Variants in GTF2E2 observed in about 807,000 individuals in gnomAD.
GTF2E2 encodes general transcription factor IIE subunit 2.
Under a neutral mutation model 40.5 loss-of-function variants are expected in GTF2E2, and 21 were observed. The ratio of observed to expected loss-of-function variants is 0.52; its 90% confidence interval spans 0.37 to 0.75. The LOEUF is 0.75. GTF2E2 is among the 30% of genes least tolerant of loss of function. The pLI, the probability that GTF2E2 is intolerant of heterozygous loss-of-function variation, is 0.00. For missense variants in GTF2E2, 298 were observed against 338.4 expected (o/e 0.88, Z 0.94); for synonymous variants, 117 against 121.6 (o/e 0.96, Z 0.25).
At chr8:30,633,865 T>C (rs189744473) in intron 3 of GTF2E2, among the ~76,000 whole-genome samples, 50 of 152,348 alleles carry the variant, frequency 3.3e-4, no homozygotes, top group African/African-American at 1.2e-3. Flanking sequence ...GGGAGTTATA[T>C]ACTAACATAT....
intron 2 of GTF2E2, among the ~76,000 whole-genome samples, chr8:30,636,387 A>T (rs1250542130): frequency 6.6e-6 from 1 of 152,224 alleles, no homozygotes; most frequent in Non-Finnish European, 1.5e-5. Flanking sequence ...ATTGCATTAG[A>T]ACAACCACAA....
chr8:30,638,739 C>T (rs1039446310), intron 2 of GTF2E2: 3 of 152,462 alleles, frequency 2.0e-5, no homozygotes, highest in Non-Finnish European at 4.4e-5. Context: ...TTTGCTCCTA[C>T]TAAATATCAA....
chr8:30,602,414 GA>G (rs1829208353), intron 6 of GTF2E2, among the ~76,000 whole-genome samples: 2 of 152,180 alleles, frequency 1.3e-5, no homozygotes, highest in South Asian at 4.2e-4. Context: ...GACTTTTTAA[GA>G]AAGTATGTGT....
At chr8:30,619,574 A>T (rs1361665818) in intron 3 of GTF2E2, among the ~76,000 whole-genome samples, 1 of 151,252 alleles carries the variant, frequency 6.6e-6, no homozygotes, top group African/African-American at 2.5e-5. Context: ...TTTTTAGTAG[A>T]GACGGGGTTT....
At chr8:30,593,720 G>A (rs1483234922) in intron 6 of GTF2E2, among the ~76,000 whole-genome samples, 1 of 152,038 alleles carries the variant, frequency 6.6e-6, no homozygotes, top group Non-Finnish European at 1.5e-5. Context: ...GGCCTCAAGC[G>A]ATCCTCCTGC....
intron 3 of GTF2E2, among the ~76,000 whole-genome samples, chr8:30,615,955 C>T (rs1313259344): frequency 1.3e-5 from 2 of 152,042 alleles, no homozygotes; most frequent in Non-Finnish European, 2.9e-5. Context: ...GGTAAATAAA[C>T]CGTGGTATAT....
At chr8:30,637,042 C>T (rs1216134822) in intron 2 of GTF2E2, 1 of 404,026 alleles carries the variant, frequency 2.5e-6, no homozygotes, top group African/African-American at 2.1e-5. Flanking sequence ...AAAAATCCAA[C>T]TTAAGAAGTA....
At chr8:30,593,993 C>T (rs1294472623) in intron 6 of GTF2E2, among the ~76,000 whole-genome samples, 7 of 152,010 alleles carry the variant, frequency 4.6e-5, no homozygotes, top group Non-Finnish European at 1.5e-5. Context: ...TGCAGTGGAG[C>T]AATCTTGGCT....
At chr8:30,625,792 T>C (rs1040701133) in intron 3 of GTF2E2, among the ~76,000 whole-genome samples, 1 of 151,912 alleles carries the variant, frequency 6.6e-6, no homozygotes, top group South Asian at 2.1e-4. Context: ...AGAGACGGGG[T>C]TTTGCCATGT....
chr8:30,635,688 C>T (rs1051333573), intron 2 of GTF2E2, among the ~76,000 whole-genome samples: 1 of 152,012 alleles, frequency 6.6e-6, no homozygotes, highest in African/African-American at 2.4e-5. Context: ...AGGCCCCTTT[C>T]TCCTTTATCT....
chr8:30,579,596 T>G (rs1316262737), intron 7 of GTF2E2, among the ~76,000 whole-genome samples: 1 of 152,070 alleles, frequency 6.6e-6, no homozygotes, highest in East Asian at 1.9e-4. Context: ...TCCTAAAAAT[T>G]CACCAAACAC....
chr8:30,651,860 G>T (rs1348909482), intron 2 of GTF2E2, among the ~76,000 whole-genome samples: 1 of 152,038 alleles, frequency 6.6e-6, no homozygotes, highest in African/African-American at 2.4e-5. Context: ...AAATGATACT[G>T]GCATAAAGAT....
chr8:30,653,891 C>G lies in GTF2E2; in HGVS notation c.-4-289G>C, dbSNP rs1222192278. Reference sequence around the variant, plus strand: ...ACTGCCTGAGCCCAGGAGTTGGAGACCAGCCTGGACAACATGGTAATACCT... The same window carrying G: ...ACTGCCTGAGCCCAGGAGTTGGAGAGCAGCCTGGACAACATGGTAATACCT... On this transcript the variant is annotated intron_variant, in intron 1 of 7. Transcript: ENST00000355904. Among the ~76,000 whole-genome samples the G allele has an allele frequency of 2.0e-5, 3 of 151,978 alleles. No individual in the cohort carries two copies. The East Asian group carries it at 5.8e-4, about 29-fold the overall frequency.
At chr8:30,595,932 G>C (rs1351564759) in intron 6 of GTF2E2, among the ~76,000 whole-genome samples, 1 of 152,182 alleles carries the variant, frequency 6.6e-6, no homozygotes, top group African/African-American at 2.4e-5. Flanking sequence ...GGAATTCTGG[G>C]TTGAAAGGAT....
intron 3 of GTF2E2, among the ~76,000 whole-genome samples, chr8:30,616,840 A>C (rs1800933417): frequency 6.6e-6 from 1 of 152,204 alleles, no homozygotes; most frequent in Non-Finnish European, 1.5e-5. Context: ...GTAAATAAGA[A>C]AAAAGTATGT....
At chr8:30,587,871 TAAAAAA>T (rs58179732) in intron 6 of GTF2E2, among the ~76,000 whole-genome samples, 1 of 105,066 alleles carries the variant, frequency 9.5e-6, no homozygotes, top group African/African-American at 3.9e-5. Flanking sequence ...GACTCCGTCT[TAAAAAA>T]AAAAAAAAAA....
intron 5 of GTF2E2, 69 bp from the exon 6 acceptor site, chr8:30,607,219 T>C: frequency 1.6e-6 from 1 of 616,646 alleles, no homozygotes; most frequent in South Asian, 2.4e-5. Flanking sequence ...AAAAAAAATT[T>C]AAACAATAAA....
At chr8:30,590,077 C>T (rs563884297) in intron 6 of GTF2E2, among the ~76,000 whole-genome samples, 15 of 152,262 alleles carry the variant, frequency 9.9e-5, no homozygotes, top group Middle Eastern at 6.8e-3. Flanking sequence ...GTTCCACAAC[C>T]GCAAATCACC....
intron 7 of GTF2E2, 87 bp from the exon 8 acceptor site, chr8:30,579,124 G>A: frequency 1.3e-6 from 1 of 775,202 alleles, no homozygotes; most frequent in Non-Finnish European, 2.3e-6. Flanking sequence ...CCAGATGCCA[G>A]TGGCTGAGGA....
Sources: allele counts gnomAD v4.1 joint callset (sites outside exome capture counted in the v4.1 genomes callset), GRCh38; gene constraint gnomAD v4.1.1; transcripts MANE v1.5; gene names NCBI Gene and HGNC (gene_info 2026-07-23, HGNC 2026-07-21).